Variants in SCHIP1 observed in about 807,000 individuals in gnomAD.
SCHIP1 encodes the protein schwannomin interacting protein 1, also known as schwannomin-interacting protein 1.
SCHIP1 carries 8 observed loss-of-function variants against 29.7 expected under a neutral mutation model. That is an observed-to-expected ratio of 0.27 (90% CI 0.16 to 0.49). The LOEUF (loss-of-function observed/expected upper bound fraction) is 0.49, where lower values mean the gene tolerates loss of function less well. Ranked by LOEUF, SCHIP1 falls within the 20% of genes least tolerant of loss-of-function variation. The probability of loss-of-function intolerance (pLI) is 0.99; values close to 1 mark genes in which losing one functional copy is unlikely to be tolerated. For missense variants in SCHIP1, 193 were observed against 294.6 expected, an observed-to-expected ratio of 0.66 and a Z score of 2.52; for synonymous variants, 76 against 94.9, an observed-to-expected ratio of 0.80 and a Z score of 1.16.
the SCHIP1 span, among the ~76,000 whole-genome samples, chr3:159,543,562 G>C: frequency 1.3e-5 from 2 of 150,966 alleles, no homozygotes; most frequent in African/African-American, 4.9e-5. Context: ...CTTTTTTATG[G>C]CTGCATAGTA....
At chr3:159,302,372 G>A in the SCHIP1 span, among the ~76,000 whole-genome samples, 3 of 152,098 alleles carry the variant, frequency 2.0e-5, no homozygotes, top group East Asian at 3.8e-4. Flanking sequence ...GAAGAAACTC[G>A]GAAAGTAAAT....
the SCHIP1 span, among the ~76,000 whole-genome samples, chr3:159,620,795 A>T: frequency 6.6e-6 from 1 of 152,204 alleles, no homozygotes; most frequent in Non-Finnish European, 1.5e-5. Flanking sequence ...CAGAAAAACT[A>T]ACAGAACCAT....
chr3:159,674,614 A>AG, the SCHIP1 span, among the ~76,000 whole-genome samples: 2 of 151,524 alleles, frequency 1.3e-5, no homozygotes, highest in East Asian at 3.8e-4. Flanking sequence ...AAAAAAAAAA[A>AG]AAAAAAAAAG....
chr3:159,717,268 A>G, the SCHIP1 span, among the ~76,000 whole-genome samples: 1 of 152,224 alleles, frequency 6.6e-6, no homozygotes, highest in African/African-American at 2.4e-5. Flanking sequence ...AAATGCCCAC[A>G]AGAGAAAGCA....
the SCHIP1 span, among the ~76,000 whole-genome samples, chr3:159,683,418 TG>T: frequency 6.6e-6 from 1 of 152,202 alleles, no homozygotes; most frequent in Non-Finnish European, 1.5e-5. Context: ...GATCCTTAGC[TG>T]GTGTTCTTGC....
chr3:159,566,745 A>T, the SCHIP1 span, among the ~76,000 whole-genome samples: 804 of 152,270 alleles, frequency 5.3e-3, 9 homozygotes, highest in African/African-American at 0.019. Context: ...AAAACAGACG[A>T]GGAGGAAAAA....
At chr3:159,832,601 C>G in the SCHIP1 span, among the ~76,000 whole-genome samples, 67 of 152,324 alleles carry the variant, frequency 4.4e-4, 1 homozygote, top group African/African-American at 1.5e-3. Flanking sequence ...CTTGGCATAA[C>G]TCGTGACTTC....
chr3:159,530,397 A>G, the SCHIP1 span, among the ~76,000 whole-genome samples: 1 of 152,062 alleles, frequency 6.6e-6, no homozygotes, highest in Non-Finnish European at 1.5e-5. Flanking sequence ...TTGCTTGACC[A>G]CCATATGGCA....
chr3:159,520,464 T>C, the SCHIP1 span, among the ~76,000 whole-genome samples: 1 of 152,236 alleles, frequency 6.6e-6, no homozygotes, highest in Non-Finnish European at 1.5e-5. Flanking sequence ...AAGCCAGATC[T>C]GACTTGTGTG....
the SCHIP1 span, among the ~76,000 whole-genome samples, chr3:159,399,213 G>A: frequency 2.6e-5 from 4 of 152,154 alleles, no homozygotes; most frequent in Admixed American, 2.0e-4. Flanking sequence ...TCTCAATGTG[G>A]CCTTACCAAG....
chr3:159,860,523 G>A (rs750428370), intron 1 of SCHIP1, among the ~76,000 whole-genome samples: 1 of 152,172 alleles, frequency 6.6e-6, no homozygotes, highest in Non-Finnish European at 1.5e-5. Context: ...TGCTAGACGT[G>A]GTATCTGTAG....
chr3:159,835,499 C>T (rs1743575263), upstream of SCHIP1, among the ~76,000 whole-genome samples: 2 of 152,210 alleles, frequency 1.3e-5, no homozygotes, highest in Admixed American at 1.3e-4. Flanking sequence ...ACCTATCCAT[C>T]TACCCATCCA....
chr3:159,519,653 C>G, the SCHIP1 span, among the ~76,000 whole-genome samples: 1 of 152,114 alleles, frequency 6.6e-6, no homozygotes, highest in South Asian at 2.1e-4. Context: ...CCATTAATGG[C>G]TCCCCTTTTC....
chr3:159,519,887 G>A, the SCHIP1 span, among the ~76,000 whole-genome samples: 468 of 150,536 alleles, frequency 3.1e-3, no homozygotes, highest in Non-Finnish European at 6.0e-3. Flanking sequence ...ATATATATAT[G>A]TATGTATGCA....
chr3:159,649,043 A>T, the SCHIP1 span, among the ~76,000 whole-genome samples: 1 of 152,190 alleles, frequency 6.6e-6, no homozygotes, highest in East Asian at 1.9e-4. Flanking sequence ...ATTCTGGTAA[A>T]GAACTCTGAT....
chr3:159,491,192 G>C, the SCHIP1 span, among the ~76,000 whole-genome samples: 118 of 152,294 alleles, frequency 7.7e-4, no homozygotes, highest in African/African-American at 2.8e-3. Context: ...ACAGAAAACG[G>C]GTAATTTCTG....
chr3:159,640,576 C>T, the SCHIP1 span, among the ~76,000 whole-genome samples: 7 of 152,280 alleles, frequency 4.6e-5, no homozygotes, highest in African/African-American at 1.7e-4. Context: ...TCAACTTCAT[C>T]TTCTACAACT....
At chr3:159,827,041 A>C in the SCHIP1 span, among the ~76,000 whole-genome samples, 3 of 152,358 alleles carry the variant, frequency 2.0e-5, no homozygotes, top group East Asian at 1.9e-4. Flanking sequence ...AAAGATGAGA[A>C]ACTTTCTTAA....
At chr3:159,274,742 TA>T in the SCHIP1 span, 1 of 824,324 alleles carries the variant, frequency 1.2e-6, no homozygotes, top group Non-Finnish European at 1.5e-6. Context: ...ATATTGTCAT[TA>T]AAAAGTAACT....
Sources: allele counts gnomAD v4.1 joint callset (sites outside exome capture counted in the v4.1 genomes callset), GRCh38; gene constraint gnomAD v4.1.1; transcripts MANE v1.5; gene names NCBI Gene and HGNC (gene_info 2026-07-23, HGNC 2026-07-21).